Variants in NCAPD2 observed in about 807,000 individuals in gnomAD.
NCAPD2 encodes condensin complex subunit 1.
A neutral mutation model predicts 164.5 loss-of-function variants in NCAPD2; 100 were observed. The observed-to-expected ratio is 0.61, with a 90% CI of 0.52 to 0.72. NCAPD2 has a LOEUF of 0.72. Among genes scored for constraint, NCAPD2 ranks in the 30% least tolerant of loss-of-function variants. NCAPD2 has a pLI of 0.00. For synonymous variants in NCAPD2, 585 were observed against 642.6 expected (o/e 0.91, Z 1.36); for missense variants, 1,560 against 1,749.2 (o/e 0.89, Z 1.93).
intron 15 of NCAPD2, 132 bp from the exon 16 acceptor site, chr12:6,522,693 TAGG>T (rs1162777920): frequency 1.5e-5 from 14 of 916,630 alleles, no homozygotes; most frequent in South Asian, 3.2e-5. Flanking sequence ...TAAGGCATCA[TAGG>T]AGGAGTCGAC....
intron 13 of NCAPD2, among the ~76,000 whole-genome samples, chr12:6,520,645 T>G (rs574612452): frequency 5.3e-5 from 8 of 152,354 alleles, no homozygotes; most frequent in African/African-American, 1.4e-4. Context: ...TGAAAGTTTA[T>G]TGTTTCTAAA....
intron 14 of NCAPD2, 102 bp from the exon 15 acceptor site, chr12:6,521,696 A>G (rs1258057182): frequency 4.9e-6 from 7 of 1,426,542 alleles, no homozygotes; most frequent in Non-Finnish European, 6.7e-6. Context: ...AAAAGAAAAG[A>G]AGAAGGAAAA....
At chr12:6,517,234 C>G in intron 10 of NCAPD2, 131 bp from the exon 11 acceptor site, 1 of 1,391,642 alleles carries the variant, frequency 7.2e-7, no homozygotes, top group African/African-American at 1.4e-5. Context: ...AGGAGTACTC[C>G]TAATCTATAT....
chr12:6,516,525 A>G (rs1359119796), intron 9 of NCAPD2, among the ~76,000 whole-genome samples: 1 of 152,146 alleles, frequency 6.6e-6, no homozygotes, highest in African/African-American at 2.4e-5. Flanking sequence ...CAACCACAAT[A>G]ACAAAGGCTT....
At chr12:6,497,780 G>A (rs570145187) in intron 2 of NCAPD2, among the ~76,000 whole-genome samples, 5 of 151,878 alleles carry the variant, frequency 3.3e-5, no homozygotes, top group East Asian at 1.9e-4. Flanking sequence ...CACCACGCCC[G>A]GCTAATTTTT....
rs1272368180 is a variant in NCAPD2, at chr12:6,510,744, T to C, written c.378T>C (p.Arg126=). The change falls in exon 5 of 32, where the codon CGT becomes CGC. Residue 126 remains arginine, a synonymous_variant. Transcript: ENST00000315579. The part of the protein sequence containing the change: ...ALKMNCYALI[R]LLESFETMAS... ...AAATGAACTGTTATGCTCTGATACG[T>C]CTCCTGGAATCCTTTGAGACCATGG... The C allele has an allele frequency of 6.2e-7, 1 of 1,614,142 alleles. No individual in the cohort carries two copies. Among genetic ancestry groups the C allele is most frequent in the Admixed American group, 1.7e-5 (1 of 60,006 alleles).
Position 6,495,242 on chromosome 12 carries a change from G to A in NCAPD2, c.127+17G>A. 8.7e-6 allele frequency: 14 copies of A among 1,613,620 alleles called. No individual in the cohort carries two copies. The highest frequency in any genetic ancestry group is 1.1e-5 in the Non-Finnish European group (13 of 1,179,662). On this transcript the variant is annotated intron_variant, in intron 2 of 31. Coordinates refer to ENST00000315579, the MANE Select transcript of NCAPD2 (RefSeq NM_014865.4). ...AGCTTAGAGGTAAGAGTCCATAGCT[G>A]TCACTGTACCTAGCTCTTTCAAAGG...
At chr12:6,524,767 C>T (rs1309312651) in intron 17 of NCAPD2, among the ~76,000 whole-genome samples, 2 of 152,044 alleles carry the variant, frequency 1.3e-5, no homozygotes, top group Non-Finnish European at 2.9e-5. Context: ...CTGTGTTAGC[C>T]AGGCACCCAG....
At chr12:6,523,414 T>C in intron 17 of NCAPD2, 68 bp downstream of exon 17, 1 of 1,388,474 alleles carries the variant, frequency 7.2e-7, no homozygotes, top group Admixed American at 2.0e-5. Context: ...TTTTTTTTTT[T>C]TGAGACGGAG....
chr12:6,520,349 C>G (rs1356832525), intron 13 of NCAPD2, among the ~76,000 whole-genome samples: 1 of 151,774 alleles, frequency 6.6e-6, no homozygotes, highest in Non-Finnish European at 1.5e-5. Context: ...TCAAGTGATC[C>G]TCCCACCTCA....
chr12:6,498,065 ATGCAC>A (rs1946000427), intron 2 of NCAPD2, among the ~76,000 whole-genome samples: 1 of 151,878 alleles, frequency 6.6e-6, no homozygotes, highest in Non-Finnish European at 1.5e-5. Context: ...ATGTGCCAAC[ATGCAC>A]TGCTAATTTT....
In NCAPD2 at chr12:6,531,583, A is replaced by G. The variant is rs1044777781; in HGVS notation, c.*171A>G. On this transcript the variant is annotated 3_prime_UTR_variant, in exon 32 of 32. Coordinates refer to ENST00000315579, the MANE Select transcript of NCAPD2 (RefSeq NM_014865.4). The surrounding 1 kb of genome is among the most constrained non-coding windows in gnomAD (Gnocchi z 4.1). ...CACTTTGCGATACCAAGGCGGGTGGATAACCTGAGGTAGGGAGTTCGAGAC... is the reference window on the plus strand; with the variant it reads ...CACTTTGCGATACCAAGGCGGGTGGGTAACCTGAGGTAGGGAGTTCGAGAC... 9 of 1,381,268 alleles carry G rather than the reference A, an allele frequency of 6.5e-6. No individual in the cohort carries two copies. Among genetic ancestry groups the G allele is most frequent in the Admixed American group, 4.2e-5 (2 of 47,740 alleles). The allele number at this position is 1,381,268 out of a possible 1,614,324, so 85.6% of individuals were successfully genotyped here. A position where few individuals can be genotyped will look rare whatever the true frequency, so the allele number is the denominator to read the frequency against.
chr12:6,521,999 G>A lies in NCAPD2; in HGVS notation c.1916G>A (p.Gly639Asp), dbSNP rs1053376976. ...TCCCGGAAGATTACAGAGGCCATTGGCATCATCAGCAAGATGATGTATGAA... is the reference window on the plus strand; with the variant it reads ...TCCCGGAAGATTACAGAGGCCATTGACATCATCAGCAAGATGATGTATGAA... Reference protein sequence around the residue: ...SFSRKITEAIGIISKMMYENT... With the variant: ...SFSRKITEAIDIISKMMYENT... The change falls in exon 15 of 32, where the codon GGC becomes GAC. Residue 639 changes from glycine (G) to aspartate (D), a missense_variant. By Grantham distance (94) the Gly-to-Asp change is moderately conservative. Coordinates refer to ENST00000315579, the MANE Select transcript of NCAPD2 (RefSeq NM_014865.4). The A allele has an allele frequency of 1.9e-6, 3 of 1,614,074 alleles. No individual in the cohort carries two copies. The Admixed American group carries it at 5.0e-5, about 27-fold the overall frequency.
intron 17 of NCAPD2, among the ~76,000 whole-genome samples, chr12:6,524,524 C>T (rs1330222566): frequency 6.6e-6 from 1 of 151,692 alleles, no homozygotes; most frequent in Non-Finnish European, 1.5e-5. Context: ...TGGTGGGCAC[C>T]TGTAGTCCCA....
chr12:6,520,550 C>A (rs1004472952), intron 13 of NCAPD2, among the ~76,000 whole-genome samples: 4 of 152,194 alleles, frequency 2.6e-5, no homozygotes, highest in African/African-American at 4.8e-5. Context: ...AGACTGATCT[C>A]AAATTCCTGG....
chr12:6,530,910 G>C lies in NCAPD2; in HGVS notation c.3965-11G>C, dbSNP rs751914786. On this transcript the variant is annotated splice_polypyrimidine_tract_variant and intron_variant, in intron 30 of 31. Transcript: ENST00000315579. ...CTTCTTTTTTAAATCACGTTTTCCT[G>C]CCTTTTCTAGGTTCTAGGTACCAGC... The C allele has an allele frequency of 4.3e-6, 7 of 1,613,100 alleles. No homozygotes were observed. The South Asian group carries it at 6.6e-5, about 15-fold the overall frequency.
At chr12:6,509,629 G>A (rs1210406947) in intron 2 of NCAPD2, 88 bp from the exon 3 acceptor site, 8 of 1,184,164 alleles carry the variant, frequency 6.8e-6, no homozygotes, top group Non-Finnish European at 8.7e-6. Context: ...ACCAATAAAA[G>A]CAATAAACCT....
chr12:6,507,841 G>A (rs1280840296), intron 2 of NCAPD2, among the ~76,000 whole-genome samples: 2 of 151,768 alleles, frequency 1.3e-5, no homozygotes, highest in African/African-American at 2.4e-5. Context: ...AGGCAGAAAC[G>A]AAAAAAAGAG....
intron 18 of NCAPD2, 40 bp downstream of exon 18, chr12:6,525,756 A>C: frequency 6.2e-7 from 1 of 1,605,252 alleles, no homozygotes; most frequent in Non-Finnish European, 8.5e-7. Context: ...TGGGAGAGCA[A>C]AGGAAGGTTC....
Sources: allele counts gnomAD v4.1 joint callset (sites outside exome capture counted in the v4.1 genomes callset), GRCh38; gene constraint gnomAD v4.1.1; non-coding constraint Gnocchi (gnomAD v3.1); transcripts MANE v1.5; gene names NCBI Gene and HGNC (gene_info 2026-07-23, HGNC 2026-07-21).